Variants in ZCCHC8 observed in about 807,000 individuals in gnomAD.
ZCCHC8 encodes zinc finger CCHC-type containing 8, also known as zinc finger CCHC domain-containing protein 8.
ZCCHC8 carries 27 observed loss-of-function variants against 70.6 expected under a neutral mutation model. That is an observed-to-expected ratio of 0.38 (90% confidence interval 0.28 to 0.53). The LOEUF (loss-of-function observed/expected upper bound fraction) is 0.53. Among genes scored for constraint, ZCCHC8 ranks in the 20% least tolerant of loss-of-function variants. The pLI is 0.81. For missense variants in ZCCHC8, 737 were observed against 876.9 expected (o/e 0.84, Z 2.01); for synonymous variants, 293 against 317.4 (o/e 0.92, Z 0.82).
Position 122,472,671 on chromosome 12 carries a change from G to T in ZCCHC8, c.*826C>A, listed in dbSNP as rs932454546. The T allele has an allele frequency of 1.3e-5, 2 of 152,084 alleles. No individual in the cohort carries two copies. Among genetic ancestry groups the T allele is most frequent in the Admixed American group, 6.6e-5 (1 of 15,266 alleles). The allele number at this position is 152,084 out of a possible 1,614,324, so 9.4% of individuals were successfully genotyped here. A position where few individuals can be genotyped will look rare whatever the true frequency, so the allele number is the denominator to read the frequency against. On this transcript the variant is annotated 3_prime_UTR_variant, in exon 14 of 14. Coordinates refer to ENST00000633063, the MANE Select transcript of ZCCHC8 (RefSeq NM_017612.5). ...GAAACCCCATCTCTACTAAAAATAC[G>T]AAGTTAGCTGGGCGTGGTGGCACAT... is the stretch of plus-strand genomic sequence containing the variant.
intron 12 of ZCCHC8, 108 bp downstream of exon 12, chr12:122,478,098 T>C (rs1957455468): frequency 1.6e-6 from 2 of 1,264,896 alleles, no homozygotes; most frequent in African/African-American, 3.0e-5. Flanking sequence ...GTTTTCCTTT[T>C]GGTTTGTCAA....
In ZCCHC8 at chr12:122,500,316, CAG is replaced by C. The variant is rs1405866337; in HGVS notation, c.199+324_199+325del. On this transcript the variant is annotated intron_variant, in intron 1 of 13. Transcript: ENST00000633063. This position sits in a 1 kb window ranked among gnomAD's most constrained non-coding sequence, Gnocchi z 4.8. ...TATGAAACCTCACCACGACCTCAAACAGAGGGGGGCAATTAAGGGCTTGTGTA... is the reference window on the plus strand; with the variant it reads ...TATGAAACCTCACCACGACCTCAAACAGGGGGGCAATTAAGGGCTTGTGTA... 1 of 299,620 alleles carries C rather than the reference CAG, an allele frequency of 3.3e-6. No individual in the cohort carries two copies. Among genetic ancestry groups the C allele is most frequent in the Non-Finnish European group, 6.2e-6 (1 of 160,764 alleles). The allele number at this position is 299,620 out of a possible 1,614,324, so 18.6% of individuals were successfully genotyped here.
intron 4 of ZCCHC8, 64 bp downstream of exon 4, chr12:122,490,398 G>T: frequency 8.0e-7 from 1 of 1,245,012 alleles, no homozygotes; most frequent in Non-Finnish European, 1.2e-6. Flanking sequence ...GGATCCTTGT[G>T]GCCCAATAAT....
intron 5 of ZCCHC8, among the ~76,000 whole-genome samples, chr12:122,487,623 G>T (rs1050905754): frequency 5.9e-5 from 9 of 152,092 alleles, no homozygotes; most frequent in Non-Finnish European, 1.3e-4. Flanking sequence ...TAAAGGTTGA[G>T]TTGAAATGTA....
chr12:122,481,895 A>G lies in ZCCHC8; in HGVS notation c.875+50T>C, dbSNP rs758171659. On this transcript the variant is annotated intron_variant, in intron 9 of 13. Coordinates refer to ENST00000633063, the MANE Select transcript of ZCCHC8 (RefSeq NM_017612.5). ...AGCCCAAAGAGACACAGAACATTCC[A>G]AATGCTAGGGAAATAAAAATGACCT... The G allele has an allele frequency of 5.1e-6, 8 of 1,583,216 alleles. No homozygotes were observed. In the Middle Eastern group the frequency reaches 5.0e-4, roughly 100 times the overall value.
intron 3 of ZCCHC8, among the ~76,000 whole-genome samples, chr12:122,491,718 C>T (rs1437377374): frequency 2.6e-5 from 4 of 151,452 alleles, no homozygotes; most frequent in Non-Finnish European, 4.4e-5. Context: ...ATCCCAGCTA[C>T]GTGGGAGGCT....
At chr12:122,478,174 T>A in intron 12 of ZCCHC8, 32 bp downstream of exon 12, 1 of 1,516,478 alleles carries the variant, frequency 6.6e-7, no homozygotes, top group Non-Finnish European at 9.0e-7. Flanking sequence ...CACAACAACA[T>A]TTTATAGAGC....
At chr12:122,481,884 C>A (rs1006576157) in intron 9 of ZCCHC8, 61 bp downstream of exon 9, 1 of 1,563,496 alleles carries the variant, frequency 6.4e-7, no homozygotes, top group East Asian at 2.3e-5. Flanking sequence ...CAAAGAGACA[C>A]AGAACATTCC....
chr12:122,481,783 A>G, intron 9 of ZCCHC8, 119 bp from the exon 10 acceptor site: 5 of 1,381,898 alleles, frequency 3.6e-6, no homozygotes, highest in Admixed American at 5.5e-5. Context: ...TCTAACAAAT[A>G]TAAATTAAAA....
At chr12:122,484,378 G>A (rs185358268) in intron 5 of ZCCHC8, among the ~76,000 whole-genome samples, 3 of 151,100 alleles carry the variant, frequency 2.0e-5, no homozygotes, top group East Asian at 2.0e-4. Context: ...GATTACAGCC[G>A]TGAACCACTG....
At chr12:122,498,992 G>T in intron 1 of ZCCHC8, 123 bp from the exon 2 acceptor site, 1 of 900,512 alleles carries the variant, frequency 1.1e-6, no homozygotes, top group Non-Finnish European at 1.8e-6. Context: ...GATATTTTGA[G>T]GATGACACAC....
chr12:122,497,201 T>C (rs989041084), intron 2 of ZCCHC8, among the ~76,000 whole-genome samples: 3 of 152,004 alleles, frequency 2.0e-5, no homozygotes, highest in African/African-American at 7.2e-5. Context: ...TTTAAACCTG[T>C]AGTCACCACT....
At chr12:122,495,044 A>G (rs920998961) in intron 2 of ZCCHC8, among the ~76,000 whole-genome samples, 2 of 152,214 alleles carry the variant, frequency 1.3e-5, no homozygotes, top group Non-Finnish European at 2.9e-5. Flanking sequence ...AAAAGTCTCT[A>G]TTTTTAAAAA....
chr12:122,483,035 C>T lies in ZCCHC8; in HGVS notation c.671+244G>A. 1 of 534,092 alleles carries T rather than the reference C, an allele frequency of 1.9e-6. No individual in the cohort carries two copies. Among genetic ancestry groups the T allele is most frequent in the Non-Finnish European group, 3.3e-6 (1 of 304,650 alleles). The allele number at this position is 534,092 out of a possible 1,614,324, so 33.1% of individuals were successfully genotyped here. ...AGGCAGATGGTTATAAGACTGCAAT[C>T]AAATTGACAGCAACAATTATACCTT... On this transcript the variant is annotated intron_variant, in intron 7 of 13. Transcript: ENST00000633063. The surrounding 1 kb of genome is among the most constrained non-coding windows in gnomAD (Gnocchi z 4.4).
intron 13 of ZCCHC8, 113 bp from the exon 14 acceptor site, chr12:122,474,388 G>T: frequency 1.0e-6 from 1 of 1,002,820 alleles, no homozygotes; most frequent in East Asian, 3.0e-5. Flanking sequence ...AAAATAACTG[G>T]CTTAACATGA....
chr12:122,481,666 TA>T lies in ZCCHC8; in HGVS notation c.876-3del. On this transcript the variant is annotated splice_polypyrimidine_tract_variant and splice_region_variant and intron_variant, in intron 9 of 13. Transcript: ENST00000633063. ...CCTAGTGCATCTTGAAGTTCCTCAC[TA>T]AGTAAAAATAAAGGAGGAAGAAAAA... 1 of 1,608,858 alleles carries T rather than the reference TA, an allele frequency of 6.2e-7. No individual in the cohort carries two copies. Among genetic ancestry groups the T allele is most frequent in the Non-Finnish European group, 8.5e-7 (1 of 1,178,426 alleles).
In ZCCHC8 at chr12:122,483,794, T is replaced by G; in HGVS notation, c.502-231A>C. 2.2e-6 allele frequency: 1 copy of G among 453,982 alleles called. No homozygotes were observed. The highest frequency in any genetic ancestry group is 3.4e-5 in the South Asian group (1 of 29,074). The allele number at this position is 453,982 out of a possible 1,614,324, so 28.1% of individuals were successfully genotyped here. On this transcript the variant is annotated intron_variant, in intron 5 of 13. Transcript: ENST00000633063. The surrounding 1 kb of genome is among the most constrained non-coding windows in gnomAD (Gnocchi z 4.4). ...TCTGTATTGGATCATGACTATCAGCTGCATTCTCTACAGAATTCAAACAAA... is the reference window on the plus strand; with the variant it reads ...TCTGTATTGGATCATGACTATCAGCGGCATTCTCTACAGAATTCAAACAAA...
rs756356363 is a variant in ZCCHC8 at position 122,473,533 on chromosome 12, G to A, written c.2088C>T (p.Pro696=). The change falls in exon 14 of 14, where the codon CCC becomes CCT. Residue 696 remains proline (P), a synonymous_variant. Coordinates refer to ENST00000633063, the MANE Select transcript of ZCCHC8 (RefSeq NM_017612.5). The part of the protein sequence containing the change: ...LRIRSLLKNS[P]RNQQKNKKAS... The stretch of plus-strand genomic sequence containing the variant: ...CCTTTTTGTTTTTCTGCTGGTTTCG[G>A]GGTGAGTTCTTTAACAAGCTTCTTA... 6.2e-7 allele frequency: 1 copy of A among 1,613,864 alleles called. No individual in the cohort carries two copies. The highest frequency in any genetic ancestry group is 1.7e-5 in the Admixed American group (1 of 60,014).
At chr12:122,477,156 T>C (rs1484755584) in intron 13 of ZCCHC8, among the ~76,000 whole-genome samples, 1 of 151,552 alleles carries the variant, frequency 6.6e-6, no homozygotes. Context: ...ATTTAATTCA[T>C]GATCTTTTTT....
Sources: gnomAD v4.1 joint callset for allele counts (sites outside exome capture counted in the v4.1 genomes callset) on GRCh38, gnomAD v4.1.1 for gene constraint, Gnocchi (gnomAD v3.1) non-coding constraint, MANE v1.5 for transcripts, NCBI Gene and HGNC (gene_info 2026-07-23, HGNC 2026-07-21) for gene names.